DNER: variants seen among roughly 807,000 people sequenced by gnomAD.
DNER encodes delta and Notch-like epidermal growth factor-related receptor.
Under a neutral mutation model 78.2 loss-of-function variants are expected in DNER, and 33 were observed. That is an observed-to-expected ratio of 0.42 (90% CI 0.32 to 0.56). The LOEUF is 0.56. Ranked by LOEUF, DNER falls within the 20% of genes least tolerant of loss-of-function variation. DNER has a pLI of 0.11. For synonymous variants in DNER, 417 were observed against 384.8 expected, an observed-to-expected ratio of 1.08 and a Z score of -0.98; for missense variants, 918 against 975.3, an observed-to-expected ratio of 0.94 and a Z score of 0.78.
intron 9 of DNER, among the ~76,000 whole-genome samples, chr2:229,409,338 A>T (rs1693456124): frequency 6.6e-6 from 1 of 151,732 alleles, no homozygotes; most frequent in Non-Finnish European, 1.5e-5. Context: ...AGTGGGAAAT[A>T]CGGCCACCAC....
At chr2:229,567,543 C>T (rs181306159) in intron 4 of DNER, among the ~76,000 whole-genome samples, 5 of 152,300 alleles carry the variant, frequency 3.3e-5, no homozygotes, top group Middle Eastern at 3.4e-3. Flanking sequence ...AACTGGCTAA[C>T]GGCTTCAGTG....
chr2:229,601,997 GC>G (rs1274092373), intron 1 of DNER, among the ~76,000 whole-genome samples: 2 of 149,042 alleles, frequency 1.3e-5, no homozygotes, highest in African/African-American at 5.1e-5. Flanking sequence ...CAAATGAAAT[GC>G]TTTTTTTTTT....
chr2:229,404,943 T>A (rs1693349397), intron 10 of DNER, among the ~76,000 whole-genome samples: 1 of 145,472 alleles, frequency 6.9e-6, no homozygotes, highest in Admixed American at 6.9e-5. Context: ...GACTAAAATA[T>A]AACATATGGA....
chr2:229,624,534 T>C (rs1698304609), intron 1 of DNER, among the ~76,000 whole-genome samples: 1 of 152,092 alleles, frequency 6.6e-6, no homozygotes, highest in African/African-American at 2.4e-5. Flanking sequence ...TAAGAGACTT[T>C]CCAAACTTTT....
Position 229,407,285 on chromosome 2 carries a change from G to A in DNER, c.1670C>T (p.Thr557Ile). ...GCCATTCAGGCCGTCGCTGTCACAG[G>A]TGGCTCCGTTCAGACAGCTGACGTT... ...CANVSCLNGA[T>I]CDSDGLNGTC... is the part of the protein sequence containing the mutation. The change falls in exon 10 of 13, where the codon ACC (threonine) becomes ATC (isoleucine). Residue 557 changes from threonine to isoleucine, a missense_variant. Thr to Ile is a moderately conservative substitution (Grantham distance 89). Transcript: ENST00000341772. The A allele has an allele frequency of 1.2e-6, 2 of 1,613,964 alleles. No homozygotes were observed. The highest frequency in any genetic ancestry group is 1.7e-6 in the Non-Finnish European group (2 of 1,179,860).
At chr2:229,515,786 T>G (rs1393722114) in intron 5 of DNER, among the ~76,000 whole-genome samples, 3 of 151,776 alleles carry the variant, frequency 2.0e-5, no homozygotes, top group Non-Finnish European at 4.4e-5. Flanking sequence ...GATTACAGGC[T>G]CCTGCCACCA....
intron 7 of DNER, among the ~76,000 whole-genome samples, chr2:229,459,650 C>T (rs1694648810): frequency 6.6e-6 from 1 of 152,066 alleles, no homozygotes; most frequent in South Asian, 2.1e-4. Context: ...TTGTCTGACT[C>T]CAAATCTGTG....
chr2:229,442,865 A>C (rs1273937691), intron 8 of DNER, among the ~76,000 whole-genome samples: 4 of 152,212 alleles, frequency 2.6e-5, no homozygotes, highest in Non-Finnish European at 5.9e-5. Flanking sequence ...AAATACAAAA[A>C]AAAAATTACA....
At chr2:229,377,806 G>A (rs990534293) in intron 11 of DNER, among the ~76,000 whole-genome samples, 2 of 152,172 alleles carry the variant, frequency 1.3e-5, no homozygotes, top group Non-Finnish European at 2.9e-5. Context: ...CAAAGAGAGA[G>A]GAATGAGATA....
chr2:229,499,444 CAAAAA>C (rs777417272), intron 6 of DNER, among the ~76,000 whole-genome samples: 1 of 74,816 alleles, frequency 1.3e-5, no homozygotes, highest in African/African-American at 5.1e-5. Context: ...GACTCCAACT[CAAAAA>C]AAAAAAAAAA....
intron 8 of DNER, among the ~76,000 whole-genome samples, chr2:229,430,496 A>G (rs1249646596): frequency 3.3e-5 from 5 of 152,158 alleles, no homozygotes; most frequent in Admixed American, 6.5e-5. Context: ...ATAAGCAGGC[A>G]GAAAAATGTG....
chr2:229,661,350 G>T (rs763201213), intron 1 of DNER, among the ~76,000 whole-genome samples: 78 of 152,212 alleles, frequency 5.1e-4, no homozygotes, highest in Admixed American at 9.8e-4. Flanking sequence ...ATGATTCATT[G>T]CAGCTGAGAG....
chr2:229,482,468 C>T (rs2193902), intron 6 of DNER, among the ~76,000 whole-genome samples: 19,017 of 152,260 alleles, frequency 0.12, 1,331 homozygotes, highest in South Asian at 0.2. Context: ...AGATACCGCA[C>T]GGTGTGGCCC....
intron 1 of DNER, among the ~76,000 whole-genome samples, chr2:229,659,327 G>A (rs1309883730): frequency 2.0e-5 from 3 of 152,078 alleles, no homozygotes; most frequent in Non-Finnish European, 4.4e-5. Flanking sequence ...ACTAAAAGAA[G>A]TGCAAAAAGA....
chr2:229,572,120 A>C (rs966164153), intron 4 of DNER, among the ~76,000 whole-genome samples: 5 of 152,140 alleles, frequency 3.3e-5, no homozygotes, highest in Admixed American at 3.3e-4. Context: ...TATTATTTCT[A>C]AACAGAGCAT....
At chr2:229,697,805 G>A (rs898632669) in intron 1 of DNER, among the ~76,000 whole-genome samples, 2 of 152,328 alleles carry the variant, frequency 1.3e-5, no homozygotes, top group African/African-American at 4.8e-5. Context: ...AGGTGTACAG[G>A]TGAGCCCTAA....
At chr2:229,490,063 C>T (rs559052739) in intron 6 of DNER, among the ~76,000 whole-genome samples, 5 of 151,964 alleles carry the variant, frequency 3.3e-5, no homozygotes, top group Admixed American at 1.3e-4. Context: ...GAGGAGAAAG[C>T]GGAGGAAGTG....
At chr2:229,469,831 T>C (rs758194746) in intron 7 of DNER, among the ~76,000 whole-genome samples, 31 of 152,280 alleles carry the variant, frequency 2.0e-4, no homozygotes, top group Non-Finnish European at 3.8e-4. Context: ...TAATCCCACC[T>C]ACTCAGGAAG....
intron 9 of DNER, among the ~76,000 whole-genome samples, chr2:229,410,490 C>A (rs572210032): frequency 6.6e-6 from 1 of 152,316 alleles, no homozygotes; most frequent in Admixed American, 6.5e-5. Context: ...CTCAAAAACA[C>A]CCTATTTTGT....
Sources: allele counts gnomAD v4.1 joint callset (sites outside exome capture counted in the v4.1 genomes callset), GRCh38; gene constraint gnomAD v4.1.1; transcripts MANE v1.5; gene names NCBI Gene and HGNC (gene_info 2026-07-23, HGNC 2026-07-21).